Variants in TBC1D12 observed in about 807,000 individuals in gnomAD.
The protein encoded by TBC1D12 is TBC1 domain family, member 12.
In TBC1D12, 56 loss-of-function variants were observed where a neutral mutation model predicts 86.7. The observed-to-expected ratio is 0.65, with a 90% CI of 0.52 to 0.81. TBC1D12 has a LOEUF of 0.81. Ranked by LOEUF, TBC1D12 falls within the 30% of genes least tolerant of loss-of-function variation. The pLI, the probability that TBC1D12 is intolerant of heterozygous loss-of-function variation, is 0.00. For missense variants in TBC1D12, 1,023 were observed against 1,038.8 expected, an observed-to-expected ratio of 0.98 and a Z score of 0.21; for synonymous variants, 421 against 411.7, an observed-to-expected ratio of 1.02 and a Z score of -0.27.
intron 2 of TBC1D12, among the ~76,000 whole-genome samples, chr10:94,453,606 C>A (rs1393434732): frequency 1.3e-5 from 2 of 152,050 alleles, no homozygotes; most frequent in African/African-American, 4.8e-5. Flanking sequence ...GAACATATTT[C>A]CCAAGGATAA....
intron 1 of TBC1D12, among the ~76,000 whole-genome samples, chr10:94,406,353 C>T (rs1409814475): frequency 1.3e-5 from 2 of 152,114 alleles, no homozygotes; most frequent in Non-Finnish European, 2.9e-5. Context: ...TTCTCTAAGC[C>T]TCATTTTTCC....
At chr10:94,493,838 T>C (rs2056279426) in intron 4 of TBC1D12, among the ~76,000 whole-genome samples, 1 of 152,166 alleles carries the variant, frequency 6.6e-6, no homozygotes, top group Non-Finnish European at 1.5e-5. Context: ...ACCAGGATCA[T>C]AGTTTTTCTG....
At chr10:94,502,034 TAATA>T (rs1228335952) in intron 6 of TBC1D12, among the ~76,000 whole-genome samples, 10 of 151,568 alleles carry the variant, frequency 6.6e-5, no homozygotes, top group Non-Finnish European at 1.0e-4. Context: ...GTCTCTAAAT[TAATA>T]AATAAATAAT....
At chr10:94,409,049 C>T (rs1202165469) in intron 1 of TBC1D12, among the ~76,000 whole-genome samples, 1 of 152,122 alleles carries the variant, frequency 6.6e-6, no homozygotes, top group Non-Finnish European at 1.5e-5. Context: ...TGTGAAGCTA[C>T]CATTATGTTA....
chr10:94,403,684 A>G (rs1589593299), intron 1 of TBC1D12, 100 bp downstream of exon 1: 1 of 915,400 alleles, frequency 1.1e-6, no homozygotes, highest in Non-Finnish European at 1.5e-6. Flanking sequence ...CGGAGCGGAG[A>G]GCTTGGTCGG....
chr10:94,433,781 T>TA (rs1455675923), intron 1 of TBC1D12, among the ~76,000 whole-genome samples: 3 of 152,202 alleles, frequency 2.0e-5, no homozygotes, highest in Non-Finnish European at 4.4e-5. Flanking sequence ...TTCACTAAGT[T>TA]AAAAAATATG....
At chr10:94,482,812 C>T (rs569563343) in intron 3 of TBC1D12, among the ~76,000 whole-genome samples, 23 of 152,204 alleles carry the variant, frequency 1.5e-4, no homozygotes, top group African/African-American at 5.3e-4. Context: ...CACTACTGTC[C>T]TTCCCAGCCT....
chr10:94,408,083 G>A (rs2054881012), intron 1 of TBC1D12, among the ~76,000 whole-genome samples: 1 of 152,094 alleles, frequency 6.6e-6, no homozygotes, highest in South Asian at 2.1e-4. Context: ...CTGTTTGTTT[G>A]TTTTTAGGCC....
At chr10:94,493,511 T>C in intron 4 of TBC1D12, 64 bp downstream of exon 4, 2 of 1,150,180 alleles carry the variant, frequency 1.7e-6, no homozygotes, top group Non-Finnish European at 2.6e-6. Context: ...ATGGTAAAAT[T>C]CATCAAGTCT....
chr10:94,439,671 C>G (rs925521481), intron 1 of TBC1D12, among the ~76,000 whole-genome samples: 1 of 152,148 alleles, frequency 6.6e-6, no homozygotes, highest in Non-Finnish European at 1.5e-5. Flanking sequence ...TTCAGTGTCC[C>G]TTTGGTGCCC....
intron 9 of TBC1D12, among the ~76,000 whole-genome samples, 197 bp from the exon 10 acceptor site, chr10:94,521,758 C>T (rs1842159666): frequency 6.6e-6 from 1 of 152,102 alleles, no homozygotes. Context: ...TGAAAAACCA[C>T]ACCATATGAA....
Position 94,403,535 on chromosome 10 carries a change from G to C in TBC1D12, c.922G>C (p.Ala308Pro). 1 of 1,527,870 alleles carries C rather than the reference G, an allele frequency of 6.5e-7. No homozygotes were observed. Among genetic ancestry groups the C allele is most frequent in the Admixed American group, 2.1e-5 (1 of 46,564 alleles). 94.6% of individuals were successfully genotyped at this position (1,527,870 alleles called of 1,614,324 possible). A position where few individuals can be genotyped will look rare whatever the true frequency, so the allele number is the denominator to read the frequency against. The change falls in exon 1 of 13, where the codon GCT (alanine) becomes CCT (proline). Residue 308 changes from alanine to proline, a missense_variant. Around this residue, in one of 2 missense-constraint regions of TBC1D12, gnomAD observed 628 missense variants for 531.1 expected, o/e 1.18. Coordinates refer to ENST00000225235, the MANE Select transcript of TBC1D12 (RefSeq NM_015188.2). ...CGCCGCGGAGCAGGGTCCTGCGGGGGCTTCGGCCCGGGCTCGACGGAGTGG... is the reference window on the plus strand; with the variant it reads ...CGCCGCGGAGCAGGGTCCTGCGGGGCCTTCGGCCCGGGCTCGACGGAGTGG... ...LPAAEQGPAG[A>P]SARARRSGGF...
chr10:94,459,617 A>G (rs1438756083), intron 2 of TBC1D12, among the ~76,000 whole-genome samples: 3 of 152,224 alleles, frequency 2.0e-5, no homozygotes, highest in Non-Finnish European at 4.4e-5. Context: ...CGGGCATGGC[A>G]GACTGCAGGT....
chr10:94,490,948 C>G (rs1564974082), intron 3 of TBC1D12, among the ~76,000 whole-genome samples: 1 of 151,940 alleles, frequency 6.6e-6, no homozygotes, highest in African/African-American at 2.4e-5. Context: ...CTTGAGAGGA[C>G]TCTCTGCAGC....
intron 3 of TBC1D12, among the ~76,000 whole-genome samples, chr10:94,488,218 C>A (rs2056196812): frequency 1.3e-5 from 2 of 150,566 alleles, no homozygotes; most frequent in Admixed American, 6.6e-5. Flanking sequence ...AAACCCTGTC[C>A]CTACTAAAAC....
At chr10:94,511,951 A>T (rs2056533387) in intron 9 of TBC1D12, among the ~76,000 whole-genome samples, 1 of 152,076 alleles carries the variant, frequency 6.6e-6, no homozygotes, top group African/African-American at 2.4e-5. Context: ...CCTCTTTTCC[A>T]TGACTGTGCC....
chr10:94,532,139 C>G (rs1461254524), intron 12 of TBC1D12, among the ~76,000 whole-genome samples: 3 of 151,306 alleles, frequency 2.0e-5, no homozygotes, highest in African/African-American at 7.3e-5. Flanking sequence ...CTTGGCCTCC[C>G]AAAGTGTTGG....
intron 8 of TBC1D12, among the ~76,000 whole-genome samples, chr10:94,510,875 A>AT (rs2056517363): frequency 6.6e-6 from 1 of 152,078 alleles, no homozygotes; most frequent in Non-Finnish European, 1.5e-5. Context: ...TGAGATAAAA[A>AT]TTTTTACCAT....
At position 94,535,261 on chromosome 10, in the gene TBC1D12, T is replaced by G. The variant is rs995788072; in HGVS notation, c.*2165T>G. 6.6e-6 allele frequency: 1 copy of G among 152,188 alleles called. No homozygotes were observed. Among genetic ancestry groups the G allele is most frequent in the Non-Finnish European group, 1.5e-5 (1 of 68,030 alleles). 9.4% of individuals were successfully genotyped at this position (152,188 alleles called of 1,614,324 possible). A position where few individuals can be genotyped will look rare whatever the true frequency, so the allele number is the denominator to read the frequency against. On this transcript the variant is annotated 3_prime_UTR_variant, in exon 13 of 13. Transcript: ENST00000225235. ...GATCTCTAATGACATATTGCTATTGTCCTATTATGTTTAAATTTGAACCTA... is the reference window on the plus strand; with the variant it reads ...GATCTCTAATGACATATTGCTATTGGCCTATTATGTTTAAATTTGAACCTA...
Sources: allele counts gnomAD v4.1 joint callset (sites outside exome capture counted in the v4.1 genomes callset), GRCh38; gene constraint gnomAD v4.1.1; regional missense constraint gnomAD v4.1.1; transcripts MANE v1.5; gene names NCBI Gene and HGNC (gene_info 2026-07-23, HGNC 2026-07-21).